Variants in DDX60L observed in about 807,000 individuals in gnomAD.
DDX60L encodes probable ATP-dependent RNA helicase DDX60-like.
Under a neutral mutation model 211.6 loss-of-function variants are expected in DDX60L, and 191 were observed. That is an observed-to-expected ratio of 0.90 (90% CI 0.80 to 1.02). The LOEUF (loss-of-function observed/expected upper bound fraction) is 1.02. DDX60L is among the 50% of genes least tolerant of loss of function. The probability of loss-of-function intolerance (pLI) is 0.00; values close to 1 mark genes in which losing one functional copy is unlikely to be tolerated. For missense variants in DDX60L, 2,007 were observed against 1,984.1 expected, an observed-to-expected ratio of 1.01 and a Z score of -0.22; for synonymous variants, 706 against 694.1, an observed-to-expected ratio of 1.02 and a Z score of -0.27.
Position 168,449,195 on chromosome 4 carries a change from A to G in DDX60L, c.997-416T>C, listed in dbSNP as rs543985964. On this transcript the variant is annotated intron_variant, in intron 8 of 37. Coordinates refer to ENST00000682922, the MANE Select transcript of DDX60L (RefSeq NM_001012967.3). ...ACTACACCCCTGGTGAGCAGGAAGA[A>G]GTTAGAGCGGTCTTTGCCCTTTTTC... 2.6e-5 allele frequency among the ~76,000 whole-genome samples: 4 copies of G among 152,152 alleles called. No homozygotes were observed. In the South Asian group the frequency reaches 8.3e-4, roughly 32 times the overall value.
At chr4:168,380,004 C>T (rs182649055) in intron 30 of DDX60L, 174 bp from the exon 31 acceptor site, 2 of 487,940 alleles carry the variant, frequency 4.1e-6, no homozygotes, top group Non-Finnish European at 7.2e-6. Flanking sequence ...ATGGCACATG[C>T]TTCCTTGAAT....
chr4:168,391,404 A>G (rs1246106940), intron 29 of DDX60L, 136 bp downstream of exon 29: 1 of 616,638 alleles, frequency 1.6e-6, no homozygotes, highest in African/African-American at 1.9e-5. Flanking sequence ...GAGGCCACTC[A>G]ACTCAAAAAT....
intron 12 of DDX60L, among the ~76,000 whole-genome samples, chr4:168,431,320 G>C (rs1262725473): frequency 1.3e-5 from 2 of 152,072 alleles, no homozygotes. Context: ...CTAGTGTTTT[G>C]TTGTTTTGGA....
chr4:168,419,427 C>T (rs960593893), intron 18 of DDX60L, 30 bp from the exon 19 acceptor site: 2 of 1,483,212 alleles, frequency 1.3e-6, no homozygotes, highest in African/African-American at 1.4e-5. Context: ...GTGTAGCTAA[C>T]TTTATGGAGC....
intron 28 of DDX60L, among the ~76,000 whole-genome samples, chr4:168,393,358 T>C (rs1421421095): frequency 1.3e-5 from 2 of 151,990 alleles, no homozygotes; most frequent in East Asian, 3.9e-4. Flanking sequence ...TAGCTGGGTG[T>C]GGTGGTGCAT....
chr4:168,425,633 G>A (rs975491380), intron 14 of DDX60L, among the ~76,000 whole-genome samples: 5 of 152,112 alleles, frequency 3.3e-5, no homozygotes, highest in Admixed American at 2.6e-4. Flanking sequence ...ATGGTGGCAG[G>A]AGCCTGTAAT....
intron 22 of DDX60L, among the ~76,000 whole-genome samples, chr4:168,411,397 G>A (rs1408068191): frequency 2.0e-5 from 3 of 152,192 alleles, no homozygotes; most frequent in South Asian, 2.1e-4. Context: ...CATGCAGAGA[G>A]AGTCTGTGCA....
chr4:168,468,158 C>T (rs1210104979), intron 4 of DDX60L, among the ~76,000 whole-genome samples: 1 of 108,818 alleles, frequency 9.2e-6, no homozygotes, highest in Non-Finnish European at 2.2e-5. Flanking sequence ...CAGAGTGAGA[C>T]TCCATCTCAA....
Position 168,477,142 on chromosome 4 carries a change from G to A in DDX60L, c.-111+3235C>T, listed in dbSNP as rs548026399. Reference sequence around the variant, plus strand: ...TACAAAAGTGAAATCTTGGCTGGGCGCGGTGGCTCACGTCTGTAATCCCAG... The same window carrying A: ...TACAAAAGTGAAATCTTGGCTGGGCACGGTGGCTCACGTCTGTAATCCCAG... On this transcript the variant is annotated intron_variant, in intron 1 of 37. Coordinates refer to ENST00000682922, the MANE Select transcript of DDX60L (RefSeq NM_001012967.3). Among the ~76,000 whole-genome samples the A allele has an allele frequency of 6.6e-5, 10 of 152,286 alleles. No individual in the cohort carries two copies. The East Asian group carries it at 9.7e-4, about 15-fold the overall frequency.
intron 36 of DDX60L, among the ~76,000 whole-genome samples, chr4:168,365,025 A>G (rs1024945220): frequency 6.6e-6 from 1 of 152,212 alleles, no homozygotes; most frequent in Non-Finnish European, 1.5e-5. Flanking sequence ...GAACACAGAA[A>G]AAGCAGTTTT....
intron 29 of DDX60L, among the ~76,000 whole-genome samples, chr4:168,389,743 C>A (rs1023160450): frequency 1.3e-5 from 2 of 152,044 alleles, no homozygotes; most frequent in Non-Finnish European, 2.9e-5. Flanking sequence ...ATAGTAAATG[C>A]TTACTTCTAG....
In DDX60L at chr4:168,394,500, A is replaced by T; in HGVS notation, c.3775T>A (p.Phe1259Ile). 1.9e-6 allele frequency: 3 copies of T among 1,609,700 alleles called. No homozygotes were observed. The highest frequency in any genetic ancestry group is 2.5e-6 in the Non-Finnish European group (3 of 1,178,588). ...HSSMYFKEKE[F>I]VEILFVKGLI... ...CCTTTTACAAAGAGTATCTCAACAAACTCTTTTTCTTTAAAATACATGCTG... is the reference window on the plus strand; with the variant it reads ...CCTTTTACAAAGAGTATCTCAACAATCTCTTTTTCTTTAAAATACATGCTG... The change falls in exon 28 of 38, where the codon TTT (phenylalanine) becomes ATT (isoleucine). Residue 1259 changes from phenylalanine (F) to isoleucine (I), a missense_variant. Physicochemically the swap from Phe to Ile is conservative, Grantham distance 21. Coordinates refer to ENST00000682922, the MANE Select transcript of DDX60L (RefSeq NM_001012967.3).
In DDX60L at chr4:168,379,343, G is replaced by A. The variant is rs1465732953; in HGVS notation, c.4363+20C>T. 3 of 1,523,650 alleles carry A rather than the reference G, an allele frequency of 2.0e-6. No individual in the cohort carries two copies. In the African/African-American group the frequency reaches 4.3e-5, roughly 22 times the overall value. The allele number at this position is 1,523,650 out of a possible 1,614,324, so 94.4% of individuals were successfully genotyped here. ...AATATGTTGCCATTTTTCGACTACA[G>A]GTATAAAACCCAAGCTTACCTTTCC... On this transcript the variant is annotated intron_variant, in intron 32 of 37. Transcript: ENST00000682922.
chr4:168,411,536 C>G (rs1748673709), intron 22 of DDX60L, among the ~76,000 whole-genome samples: 1 of 152,154 alleles, frequency 6.6e-6, no homozygotes, highest in Admixed American at 6.5e-5. Context: ...CTAGCCTGAC[C>G]CAGAGGAGAA....
chr4:168,462,954 A>G (rs1317722475), intron 4 of DDX60L, among the ~76,000 whole-genome samples: 1 of 152,204 alleles, frequency 6.6e-6, no homozygotes, highest in Non-Finnish European at 1.5e-5. Flanking sequence ...ATTATTAAAA[A>G]TAATAAAAAA....
At chr4:168,387,632 G>C (rs1235208685) in intron 29 of DDX60L, among the ~76,000 whole-genome samples, 3 of 152,174 alleles carry the variant, frequency 2.0e-5, no homozygotes, top group Non-Finnish European at 4.4e-5. Context: ...GGTAAAGAAT[G>C]AAGGAAGAAG....
intron 33 of DDX60L, among the ~76,000 whole-genome samples, chr4:168,377,307 TAA>T (rs532403773): frequency 0.36 from 53,156 of 148,532 alleles, 9,882 homozygotes; most frequent in African/African-American, 0.45. Context: ...AATAAATAAA[TAA>T]ATAAATAAAT....
rs577773845 is a variant in DDX60L, at chr4:168,378,843, T to C, written c.4364-368A>G. 2.6e-5 allele frequency among the ~76,000 whole-genome samples: 4 copies of C among 152,190 alleles called. No individual in the cohort carries two copies. In the East Asian group the frequency reaches 7.7e-4, roughly 29 times the overall value. On this transcript the variant is annotated intron_variant, in intron 32 of 37. Transcript: ENST00000682922. ...TCCTTTACTCAAAAACCTTTGAGGG[T>C]ATCTCAACGGCTAATTGAAAAATCC...
At chr4:168,463,161 C>A (rs763254891) in intron 4 of DDX60L, among the ~76,000 whole-genome samples, 6 of 152,226 alleles carry the variant, frequency 3.9e-5, no homozygotes, top group Non-Finnish European at 8.8e-5. Flanking sequence ...TAAATCATTC[C>A]ATCATAAAGA....
Sources: gnomAD v4.1 joint callset for allele counts (sites outside exome capture counted in the v4.1 genomes callset) on GRCh38, gnomAD v4.1.1 for gene constraint, MANE v1.5 for transcripts, NCBI Gene and HGNC (gene_info 2026-07-23, HGNC 2026-07-21) for gene names.